GPSM2: variants seen among roughly 807,000 people sequenced by gnomAD.
GPSM2 encodes G protein signaling modulator 2, also known as G protein-signaling modulator 2.
Under a neutral mutation model 78.4 loss-of-function variants are expected in GPSM2, and 58 were observed. That is an observed-to-expected ratio of 0.74 (90% CI 0.60 to 0.92). The LOEUF (loss-of-function observed/expected upper bound fraction) is 0.92, where lower values mean the gene tolerates loss of function less well. Ranked by LOEUF, GPSM2 falls within the 40% of genes least tolerant of loss-of-function variation. The pLI is 0.00. For missense variants in GPSM2, 700 were observed against 815.5 expected, an observed-to-expected ratio of 0.86 and a Z score of 1.73; for synonymous variants, 224 against 280.2, an observed-to-expected ratio of 0.80 and a Z score of 2.00.
At chr1:108,921,636 C>G (rs1000639207) in intron 12 of GPSM2, among the ~76,000 whole-genome samples, 3 of 152,130 alleles carry the variant, frequency 2.0e-5, no homozygotes, top group Non-Finnish European at 4.4e-5. Flanking sequence ...TATAGCTACC[C>G]CTGCCCTTCA....
intron 1 of GPSM2, among the ~76,000 whole-genome samples, chr1:108,880,464 G>C (rs1020378846): frequency 6.6e-6 from 1 of 151,926 alleles, no homozygotes; most frequent in Non-Finnish European, 1.5e-5. Flanking sequence ...CGTGGTGCTG[G>C]GCACCTGTGG....
At chr1:108,893,720 C>A (rs1648140507) in intron 2 of GPSM2, among the ~76,000 whole-genome samples, 1 of 152,124 alleles carries the variant, frequency 6.6e-6, no homozygotes, top group African/African-American at 2.4e-5. Flanking sequence ...ATAAAGACAA[C>A]CAGTTCAGGT....
At chr1:108,911,504 G>A (rs1649738952) in intron 10 of GPSM2, among the ~76,000 whole-genome samples, 1 of 152,110 alleles carries the variant, frequency 6.6e-6, no homozygotes, top group Non-Finnish European at 1.5e-5. Context: ...TCTAGCCTGG[G>A]CAACACAGCG....
chr1:108,900,212 A>G (rs1004965698), intron 7 of GPSM2, among the ~76,000 whole-genome samples: 3 of 147,294 alleles, frequency 2.0e-5, no homozygotes, highest in Non-Finnish European at 4.5e-5. Flanking sequence ...GGTTAGAAAT[A>G]TTTTTAGAAC....
chr1:108,906,168 T>C (rs1649201846), intron 10 of GPSM2, among the ~76,000 whole-genome samples: 1 of 151,698 alleles, frequency 6.6e-6, no homozygotes, highest in South Asian at 2.1e-4. Context: ...GGAAATAGTA[T>C]CACCATTCAC....
Position 108,885,544 on chromosome 1 carries a change from A to G in GPSM2, c.22A>G (p.Met8Val), listed in dbSNP as rs1647467265. The G allele has an allele frequency of 2.5e-6, 4 of 1,582,184 alleles. No homozygotes were observed. Among genetic ancestry groups the G allele is most frequent in the Non-Finnish European group, 2.6e-6 (3 of 1,151,228 alleles). ...CTCGATGGAGGAAAATTTGATAAGC[A>G]TGAGAGAAGACCATTCTTTTCATGT... MEENLIS[M>V]REDHSFHVRY... Residue 8 changes from methionine to valine, a missense_variant, in exon 2 of 15, where the codon ATG (methionine) becomes GTG (valine). Transcript: ENST00000264126.
chr1:108,888,213 A>T (rs1448365896), intron 2 of GPSM2, among the ~76,000 whole-genome samples: 1 of 151,400 alleles, frequency 6.6e-6, no homozygotes, highest in East Asian at 1.9e-4. Context: ...CACCATGCCC[A>T]GCTAACTTTT....
chr1:108,918,295 G>A (rs960546862), intron 11 of GPSM2, among the ~76,000 whole-genome samples: 4 of 152,080 alleles, frequency 2.6e-5, no homozygotes, highest in African/African-American at 9.7e-5. Context: ...CTCACGTCTA[G>A]AGTAAAACTT....
At position 108,896,980 on chromosome 1, in the gene GPSM2, TAA is replaced by T; in HGVS notation, c.177_178del (p.Lys59AsnfsTer3). The T allele has an allele frequency of 6.2e-7, 1 of 1,614,014 alleles. No homozygotes were observed. Among genetic ancestry groups the T allele is most frequent in the Non-Finnish European group, 8.5e-7 (1 of 1,179,852 alleles). On this transcript the variant is annotated frameshift_variant, in exon 3 of 15. Coordinates refer to ENST00000264126, the MANE Select transcript of GPSM2 (RefSeq NM_013296.5). LOFTEE classifies it high-confidence loss of function. ...GCAGTTCAAGTTGGAACTGAAGACC[TAA>T]AAACACTTAGCGCTATTTACAGCCA... is the stretch of plus-strand genomic sequence containing the variant.
intron 10 of GPSM2, among the ~76,000 whole-genome samples, chr1:108,912,817 G>A (rs1397031835): frequency 6.7e-6 from 1 of 149,240 alleles, no homozygotes; most frequent in Non-Finnish European, 1.5e-5. Flanking sequence ...AGTTGAGGTG[G>A]GCAGATCACT....
chr1:108,882,510 G>A (rs994216530), intron 1 of GPSM2: 5 of 152,150 alleles, frequency 3.3e-5, no homozygotes, highest in Non-Finnish European at 7.3e-5. Context: ...TACATGTTCA[G>A]TAGAGACACA....
chr1:108,921,235 C>A (rs574714564), intron 12 of GPSM2, among the ~76,000 whole-genome samples: 1 of 152,244 alleles, frequency 6.6e-6, no homozygotes, highest in Admixed American at 6.5e-5. Flanking sequence ...GCTTGGCCAA[C>A]ACGGCGAAAC....
At chr1:108,928,587 C>T (rs1253530307) in intron 14 of GPSM2, among the ~76,000 whole-genome samples, 2 of 152,216 alleles carry the variant, frequency 1.3e-5, no homozygotes, top group Non-Finnish European at 2.9e-5. Flanking sequence ...AGCTATCACA[C>T]TTCTATTCTT....
chr1:108,877,528 A>G (rs1665693365), intron 1 of GPSM2: 1 of 147,948 alleles, frequency 6.8e-6, no homozygotes, highest in Non-Finnish European at 1.5e-5. Flanking sequence ...TTTTTTTTTT[A>G]AGATAAAAAC....
At chr1:108,908,191 G>A (rs1649397840) in intron 10 of GPSM2, among the ~76,000 whole-genome samples, 1 of 152,006 alleles carries the variant, frequency 6.6e-6, no homozygotes, top group Admixed American at 6.6e-5. Flanking sequence ...CTAACGTGGT[G>A]AAACCCCGTC....
intron 1 of GPSM2, among the ~76,000 whole-genome samples, chr1:108,883,925 G>C (rs1210331292): frequency 2.0e-5 from 3 of 152,016 alleles, no homozygotes; most frequent in Admixed American, 6.6e-5. Context: ...TTGTTTTGGT[G>C]GGGGCAGACA....
intron 7 of GPSM2, among the ~76,000 whole-genome samples, chr1:108,900,818 G>A (rs995844666): frequency 6.6e-6 from 1 of 152,122 alleles, no homozygotes; most frequent in South Asian, 2.1e-4. Context: ...AGATTTGAAG[G>A]TATCATCATT....
At chr1:108,925,168 T>C (rs1008369775) in intron 14 of GPSM2, among the ~76,000 whole-genome samples, 1 of 152,214 alleles carries the variant, frequency 6.6e-6, no homozygotes, top group African/African-American at 2.4e-5. Flanking sequence ...ATGGTTCTAT[T>C]CACTGAAATG....
chr1:108,928,692 C>A (rs538056080), intron 14 of GPSM2, among the ~76,000 whole-genome samples: 2 of 152,242 alleles, frequency 1.3e-5, no homozygotes, highest in Admixed American at 1.3e-4. Flanking sequence ...TCATAATACT[C>A]AAACTTGAAA....
Sources: gnomAD v4.1 joint callset for allele counts (sites outside exome capture counted in the v4.1 genomes callset) on GRCh38, gnomAD v4.1.1 for gene constraint, MANE v1.5 for transcripts, NCBI Gene and HGNC (gene_info 2026-07-23, HGNC 2026-07-21) for gene names.